Variants in TRPM2 observed in about 807,000 individuals in gnomAD.
The protein encoded by TRPM2 is transient receptor potential cation channel subfamily M member 2, also known as estrogen-responsive element-associated gene 1 protein.
TRPM2 carries 161 observed loss-of-function variants against 174.0 expected under a neutral mutation model. The observed-to-expected ratio is 0.93, with a 90% CI of 0.81 to 1.05. TRPM2 has a LOEUF of 1.05. TRPM2 is among the 50% of genes least tolerant of loss of function. The pLI, the probability that TRPM2 is intolerant of heterozygous loss-of-function variation, is 0.00. For missense variants in TRPM2, 2,057 were observed against 2,038.0 expected, an observed-to-expected ratio of 1.01 and a Z score of -0.18; for synonymous variants, 954 against 861.3, an observed-to-expected ratio of 1.11 and a Z score of -1.88.
rs1337064507 is a variant in TRPM2, at chr21:44,418,063, A to G, written c.3283A>G (p.Lys1095Glu). Residue 1095 changes from lysine (K) to glutamate (E), a missense_variant, in exon 21 of 32, where the codon AAG becomes GAG. By Grantham distance (56) the Lys-to-Glu change is moderately conservative (BLOSUM62 1). Coordinates refer to ENST00000397928, the MANE Select transcript of TRPM2 (RefSeq NM_003307.4). ...ILLSHLQLFI[K>E]RVVLKTPAKR... ...CCTCAGCCACCTGCAGCTCTTCATCAAGAGGGTGGTCCTGAAGACTCCGGC... is the reference window on the plus strand; with the variant it reads ...CCTCAGCCACCTGCAGCTCTTCATCGAGAGGGTGGTCCTGAAGACTCCGGC... 1.2e-6 allele frequency: 2 copies of G among 1,612,950 alleles called. No individual in the cohort carries two copies. The highest frequency in any genetic ancestry group is 1.7e-6 in the Non-Finnish European group (2 of 1,179,970).
At chr21:44,364,061 G>C (rs1056278837) in intron 2 of TRPM2, 53 bp from the exon 3 acceptor site, 1 of 1,569,220 alleles carries the variant, frequency 6.4e-7, no homozygotes, top group African/African-American at 1.4e-5. Flanking sequence ...TGCCTTCACA[G>C]GGAGCAGGAA....
rs2049539308 is a variant in TRPM2 at position 44,399,446 on chromosome 21, C to A, written c.2208+5C>A. 1 of 1,609,544 alleles carries A rather than the reference C, an allele frequency of 6.2e-7. No homozygotes were observed. On this transcript the variant is annotated splice_donor_5th_base_variant and intron_variant, in intron 14 of 31. Transcript: ENST00000397928. The surrounding 1 kb of genome is among the most constrained non-coding windows in gnomAD (Gnocchi z 4.6). The stretch of plus-strand genomic sequence containing the variant: ...GTGTCTCACGGGGGCATCCAGGTGA[C>A]CTCCCAAGAGCCCCTTCCAGAAACA...
At chr21:44,418,231 G>A in intron 21 of TRPM2, 123 bp downstream of exon 21, 1 of 1,412,476 alleles carries the variant, frequency 7.1e-7, no homozygotes, top group Non-Finnish European at 9.5e-7. Flanking sequence ...CACTCAGGCT[G>A]CTGGCCTTCT....
intron 5 of TRPM2, among the ~76,000 whole-genome samples, chr21:44,370,189 A>G (rs892253229): frequency 2.0e-5 from 3 of 152,042 alleles, no homozygotes; most frequent in African/African-American, 7.2e-5. Flanking sequence ...AACAGAGCAG[A>G]GGGAGGGGGC....
Position 44,406,744 on chromosome 21 carries a change from C to T in TRPM2, c.2941C>T (p.Gln981Ter). ...CCACTCCTACCTCACCATCTTCGGGCAGATCCCGGGCTACATCGACGGTAG... is the reference window on the plus strand; with the variant it reads ...CCACTCCTACCTCACCATCTTCGGGTAGATCCCGGGCTACATCGACGGTAG... ...VYHSYLTIFG[Q>*]IPGYIDGVNF... Residue 981 changes from glutamine (Q) to a stop codon, truncating the protein, a stop_gained, in exon 19 of 32, where the codon CAG becomes TAG. Coordinates refer to ENST00000397928, the MANE Select transcript of TRPM2 (RefSeq NM_003307.4). LOFTEE classifies it high-confidence loss of function. 6.2e-7 allele frequency: 1 copy of T among 1,606,312 alleles called. No individual in the cohort carries two copies. The highest frequency in any genetic ancestry group is 1.1e-5 in the South Asian group (1 of 90,392).
intron 2 of TRPM2, among the ~76,000 whole-genome samples, chr21:44,355,641 G>C (rs1370962298): frequency 6.6e-6 from 1 of 152,120 alleles, no homozygotes; most frequent in Non-Finnish European, 1.5e-5. Context: ...TGAGCTTCTG[G>C]GGGGCTGGGA....
chr21:44,404,881 G>A (rs532086817), intron 16 of TRPM2, among the ~76,000 whole-genome samples: 1 of 130,208 alleles, frequency 7.7e-6, no homozygotes, highest in South Asian at 2.6e-4. Context: ...GATGATAGTG[G>A]ATAGTGATAT....
intron 9 of TRPM2, among the ~76,000 whole-genome samples, chr21:44,387,424 T>C (rs1441294379): frequency 3.3e-5 from 5 of 152,184 alleles, no homozygotes; most frequent in African/African-American, 1.2e-4. Context: ...CAAGGACTTC[T>C]GAATATAAGA....
chr21:44,371,809 C>G (rs974897967), intron 5 of TRPM2, among the ~76,000 whole-genome samples: 3 of 152,188 alleles, frequency 2.0e-5, no homozygotes, highest in African/African-American at 7.2e-5. Flanking sequence ...AGATTTCTGT[C>G]CACTCCACAG....
chr21:44,392,963 C>T (rs1246187503), intron 11 of TRPM2, among the ~76,000 whole-genome samples: 1 of 152,080 alleles, frequency 6.6e-6, no homozygotes, highest in Non-Finnish European at 1.5e-5. Context: ...CTAGTCTCAC[C>T]TTTATTTAAT....
intron 22 of TRPM2, among the ~76,000 whole-genome samples, chr21:44,421,008 G>A (rs1476958614): frequency 6.6e-6 from 1 of 152,170 alleles, no homozygotes; most frequent in Non-Finnish European, 1.5e-5. Context: ...CCTTAAGGGA[G>A]TGGGCTGGAC....
chr21:44,434,806 C>A (rs1159194515), intron 27 of TRPM2, among the ~76,000 whole-genome samples: 1 of 152,132 alleles, frequency 6.6e-6, no homozygotes, highest in East Asian at 1.9e-4. Context: ...AAGTGCTGGC[C>A]CGAGCAGTCG....
chr21:44,418,038 C>T lies in TRPM2; in HGVS notation c.3258C>T (p.Leu1086=), dbSNP rs770112816. Residue 1086 remains leucine, a synonymous_variant, in exon 21 of 32, where the codon CTC becomes CTT. Coordinates refer to ENST00000397928, the MANE Select transcript of TRPM2 (RefSeq NM_003307.4). The part of the protein sequence containing the change: ...GRPAAPPPFI[L]LSHLQLFIKR... ...CCGCCGCGCCGCCCCCCTTCATCCT[C>T]CTCAGCCACCTGCAGCTCTTCATCA... 10 of 1,613,162 alleles carry T rather than the reference C, an allele frequency of 6.2e-6. No individual in the cohort carries two copies. The highest frequency in any genetic ancestry group is 4.0e-5 in the African/African-American group (3 of 74,938).
chr21:44,391,121 C>A lies in TRPM2; in HGVS notation c.1440+96C>A. On this transcript the variant is annotated intron_variant, in intron 10 of 31. Transcript: ENST00000397928. This position sits in a 1 kb window ranked among gnomAD's most constrained non-coding sequence, Gnocchi z 5.0. ...AGGCAAAGTTCGCATTGTCTGGATC[C>A]CAGCCCTTCCCTTGAGGGTGGGTGA... is the stretch of plus-strand genomic sequence containing the variant. The A allele has an allele frequency of 6.3e-7, 1 of 1,581,024 alleles. No individual in the cohort carries two copies. The highest frequency in any genetic ancestry group is 8.6e-7 in the Non-Finnish European group (1 of 1,159,638).
At chr21:44,436,359 T>C (rs571750892) in intron 28 of TRPM2, among the ~76,000 whole-genome samples, 3 of 151,914 alleles carry the variant, frequency 2.0e-5, no homozygotes, top group East Asian at 3.9e-4. Flanking sequence ...GGCCTCAGGG[T>C]CCTCTTGCTG....
At chr21:44,356,083 G>A (rs1269448477) in intron 2 of TRPM2, among the ~76,000 whole-genome samples, 5 of 131,654 alleles carry the variant, frequency 3.8e-5, no homozygotes, top group Non-Finnish European at 6.5e-5. Flanking sequence ...GGTGGCTCAC[G>A]CCTGTAATCC....
chr21:44,440,852 G>T lies in TRPM2; in HGVS notation c.4333G>T (p.Val1445Phe). 3 of 1,613,862 alleles carry T rather than the reference G, an allele frequency of 1.9e-6. No homozygotes were observed. The highest frequency in any genetic ancestry group is 1.7e-6 in the Non-Finnish European group (2 of 1,179,936). The part of the protein sequence containing the change: ...TDNAWIETVA[V>F]SVHFQDQNDV... ...CAATGCCTGGATCGAGACGGTGGCC[G>T]TCAGCGTCCACTTCCAGGACCAGAA... The change falls in exon 31 of 32, where the codon GTC (valine) becomes TTC (phenylalanine). Residue 1445 changes from valine to phenylalanine, a missense_variant. By Grantham distance (50) the Val-to-Phe change is conservative. Coordinates refer to ENST00000397928, the MANE Select transcript of TRPM2 (RefSeq NM_003307.4).
In TRPM2 at chr21:44,423,692, C is replaced by T. The variant is rs572358337; in HGVS notation, c.3509C>T (p.Ser1170Leu). The change falls in exon 23 of 32, where the codon TCG (serine) becomes TTG (leucine). Residue 1170 changes from serine (S) to leucine (L), a missense_variant. By Grantham distance (145) the Ser-to-Leu change is moderately radical. Coordinates refer to ENST00000397928, the MANE Select transcript of TRPM2 (RefSeq NM_003307.4). ...DLLDLDPLKR[S>L]GSMEQRLASL... ...CTGGACCTGGACCCACTGAAGAGGTCGGGCTCCATGGAGCAGAGGTTGGCC... is the reference window on the plus strand; with the variant it reads ...CTGGACCTGGACCCACTGAAGAGGTTGGGCTCCATGGAGCAGAGGTTGGCC... 24 of 1,612,420 alleles carry T rather than the reference C, an allele frequency of 1.5e-5. No individual in the cohort carries two copies. The South Asian group carries it at 1.9e-4, about 13-fold the overall frequency.
rs575116901 is a variant in TRPM2, at chr21:44,366,776, C to T, written c.446C>T (p.Thr149Met). The T allele has an allele frequency of 9.6e-5, 155 of 1,613,982 alleles. 1 individual carries two copies. Among genetic ancestry groups the T allele is most frequent in the South Asian group, 2.6e-4 (24 of 91,076 alleles). Residue 149 changes from threonine to methionine, a missense_variant, in exon 4 of 32, where the codon ACG (threonine) becomes ATG (methionine). Coordinates refer to ENST00000397928, the MANE Select transcript of TRPM2 (RefSeq NM_003307.4). The surrounding 1 kb of genome is among the most constrained non-coding windows in gnomAD (Gnocchi z 6.0). ...CAGTACGTCCGAGTCTCCCAGGACA[C>T]GCCCTCCAGCGTGATCTACCACCTC... ...VKKYVRVSQD[T>M]PSSVIYHLMT...
Sources: gnomAD v4.1 joint callset for allele counts (sites outside exome capture counted in the v4.1 genomes callset) on GRCh38, gnomAD v4.1.1 for gene constraint, Gnocchi (gnomAD v3.1) non-coding constraint, MANE v1.5 for transcripts, NCBI Gene and HGNC (gene_info 2026-07-23, HGNC 2026-07-21) for gene names.